Variants in CMTM4 observed in about 807,000 individuals in gnomAD.
The protein encoded by CMTM4 is CKLF-like MARVEL transmembrane domain-containing protein 4.
A neutral mutation model predicts 19.0 loss-of-function variants in CMTM4; 8 were observed. That is an observed-to-expected ratio of 0.42 (90% CI 0.25 to 0.76). The LOEUF is 0.76. Among genes scored for constraint, CMTM4 ranks in the 30% least tolerant of loss-of-function variants. The pLI is 0.27. For missense variants in CMTM4, 228 were observed against 290.2 expected (o/e 0.79, Z 1.56); for synonymous variants, 106 against 121.1 (o/e 0.88, Z 0.82).
At chr16:66,658,100 C>G (rs945147228) in intron 1 of CMTM4, among the ~76,000 whole-genome samples, 1 of 152,004 alleles carries the variant, frequency 6.6e-6, no homozygotes, top group Non-Finnish European at 1.5e-5. Flanking sequence ...CGTTGTGATA[C>G]ATGCCTGTAG....
In CMTM4 at chr16:66,636,405, T is replaced by G. The variant is rs3816412; in HGVS notation, c.363A>C (p.Thr121=). 7.1e-4 allele frequency: 1,138 copies of G among 1,613,656 alleles called. 13 individuals are homozygous for G. The East Asian group carries it at 0.021, about 30-fold the overall frequency. Reference sequence around the variant, plus strand: ...GGCCAGAGTGGCCGCTTGTACTCACTGTCAGATTCCAGTTGATCTGGGGGA... The same window carrying G: ...GGCCAGAGTGGCCGCTTGTACTCACGGTCAGATTCCAGTTGATCTGGGGGA... The part of the protein sequence containing the change: ...MRIPQINWNL[T]DLVNTGLSAF... The change falls in exon 2 of 4, where the codon ACA becomes ACC. Residue 121 remains threonine, a splice_region_variant and synonymous_variant. Coordinates refer to ENST00000394106, the MANE Select transcript of CMTM4 (RefSeq NM_181521.3).
chr16:66,644,433 T>C lies in CMTM4; in HGVS notation c.187-7852A>G, dbSNP rs1233172099. ...GAAGTTCAAATCTACGAAGGATCTA[T>C]TGCAGTGGAGGCCAAAACAAAAACA... On this transcript the variant is annotated intron_variant, in intron 1 of 3. Transcript: ENST00000394106. Among the ~76,000 whole-genome samples, 4 of 152,238 alleles carry C rather than the reference T, an allele frequency of 2.6e-5. No homozygotes were observed. In the East Asian group the frequency reaches 5.8e-4, roughly 22 times the overall value.
chr16:66,641,910 CCA>C (rs1482423463), intron 1 of CMTM4, among the ~76,000 whole-genome samples: 2 of 152,118 alleles, frequency 1.3e-5, no homozygotes, highest in Non-Finnish European at 2.9e-5. Flanking sequence ...ACAGGTATGT[CCA>C]CATATAGATG....
At chr16:66,603,611 T>C in the CMTM4 span, among the ~76,000 whole-genome samples, 1 of 152,186 alleles carries the variant, frequency 6.6e-6, no homozygotes, top group Admixed American at 6.5e-5. Flanking sequence ...AAACAAAACA[T>C]CTTGCCCTTG....
In CMTM4 at chr16:66,617,065, T is replaced by A; in HGVS notation, c.*4993A>T. The A allele has an allele frequency of 2.2e-6, 1 of 459,922 alleles. No homozygotes were observed. Among genetic ancestry groups the A allele is most frequent in the Non-Finnish European group, 3.8e-6 (1 of 260,496 alleles). 28.5% of individuals were successfully genotyped at this position (459,922 alleles called of 1,614,324 possible). A position where few individuals can be genotyped will look rare whatever the true frequency, so the allele number is the denominator to read the frequency against. On this transcript the variant is annotated 3_prime_UTR_variant, in exon 4 of 4. Coordinates refer to ENST00000394106, the MANE Select transcript of CMTM4 (RefSeq NM_181521.3). ...CTGAGATATGTTCTTACTCCTAAACTCAAACTTTAAAAGTTTCAATAGCTC... is the reference window on the plus strand; with the variant it reads ...CTGAGATATGTTCTTACTCCTAAACACAAACTTTAAAAGTTTCAATAGCTC...
chr16:66,688,596 C>T (rs1218122054), intron 1 of CMTM4, among the ~76,000 whole-genome samples: 2 of 152,028 alleles, frequency 1.3e-5, no homozygotes, highest in Non-Finnish European at 2.9e-5. Flanking sequence ...GTTCTCTCTC[C>T]CTGGAACATA....
intron 1 of CMTM4, among the ~76,000 whole-genome samples, chr16:66,665,262 TAAAAAA>T (rs71145929): frequency 8.4e-5 from 5 of 59,708 alleles, no homozygotes; most frequent in East Asian, 3.8e-4. Flanking sequence ...CCCTGTTTCT[TAAAAAA>T]AAAAAAAAAA....
intron 1 of CMTM4, among the ~76,000 whole-genome samples, chr16:66,677,684 T>A (rs1446824076): frequency 2.0e-5 from 3 of 152,134 alleles, no homozygotes; most frequent in African/African-American, 7.2e-5. Flanking sequence ...AAGGGCATGG[T>A]CCTAAGTGTA....
downstream of CMTM4, chr16:66,612,522 G>A (rs1451615775): frequency 7.0e-6 from 10 of 1,421,752 alleles, no homozygotes; most frequent in Non-Finnish European, 9.8e-6. The surrounding 1 kb of genome is among the most constrained non-coding windows in gnomAD (Gnocchi z 6.0). Context: ...GCTCCTGCCA[G>A]CAACCCAGCT....
the CMTM4 span, among the ~76,000 whole-genome samples, chr16:66,605,996 G>A: frequency 1.3e-5 from 2 of 151,866 alleles, no homozygotes; most frequent in African/African-American, 4.8e-5. This position sits in a 1 kb window ranked among gnomAD's most constrained non-coding sequence, Gnocchi z 4.6. Context: ...GAGAAGCCTC[G>A]AATCCACCGT....
the CMTM4 span, chr16:66,609,624 C>A: frequency 1.3e-6 from 2 of 1,510,454 alleles, no homozygotes; most frequent in Non-Finnish European, 9.0e-7. This position sits in a 1 kb window ranked among gnomAD's most constrained non-coding sequence, Gnocchi z 4.4. Flanking sequence ...CCTGCTGGGG[C>A]CCCCCTGGGG....
At chr16:66,633,113 AT>A (rs2015912408) in intron 2 of CMTM4, among the ~76,000 whole-genome samples, 1 of 77,020 alleles carries the variant, frequency 1.3e-5, no homozygotes, top group Non-Finnish European at 3.1e-5. Flanking sequence ...ATATATATAT[AT>A]ATAAATATAT....
chr16:66,672,063 G>C (rs1267098595), intron 1 of CMTM4, among the ~76,000 whole-genome samples: 1 of 151,744 alleles, frequency 6.6e-6, no homozygotes, highest in East Asian at 1.9e-4. Flanking sequence ...AATCTATCAG[G>C]ATATATTTAT....
intron 1 of CMTM4, among the ~76,000 whole-genome samples, chr16:66,683,381 T>C (rs1288249632): frequency 2.3e-5 from 3 of 130,336 alleles, no homozygotes; most frequent in Non-Finnish European, 4.7e-5. Context: ...AAGCTCCGCC[T>C]CCTGGGTTCA....
Position 66,696,706 on chromosome 16 carries a change from C to A in CMTM4, c.-181G>T. 6.0e-6 allele frequency: 1 copy of A among 165,294 alleles called. No individual in the cohort carries two copies. Among genetic ancestry groups the A allele is most frequent in the South Asian group, 1.7e-4 (1 of 5,820 alleles). 10.2% of individuals were successfully genotyped at this position (165,294 alleles called of 1,614,324 possible). On this transcript the variant is annotated 5_prime_UTR_variant, in exon 1 of 4. Coordinates refer to ENST00000394106, the MANE Select transcript of CMTM4 (RefSeq NM_181521.3). The surrounding 1 kb of genome is among the most constrained non-coding windows in gnomAD (Gnocchi z 4.3). Reference sequence around the variant, plus strand: ...CCGGCTGCGGCTGCGGCTCGGTCCGCTCGGGCTCGGCTCCCGCCGCCTCGG... The same window carrying A: ...CCGGCTGCGGCTGCGGCTCGGTCCGATCGGGCTCGGCTCCCGCCGCCTCGG...
chr16:66,631,182 C>CCAGGCCAG (rs2015857025), intron 2 of CMTM4, among the ~76,000 whole-genome samples: 1 of 150,138 alleles, frequency 6.7e-6, no homozygotes, highest in Admixed American at 6.6e-5. Flanking sequence ...TCAGCCCCCG[C>CCAGGCCAG]CCGGCCAGCC....
chr16:66,621,456 C>A lies in CMTM4; in HGVS notation c.*602G>T, dbSNP rs1415691528. On this transcript the variant is annotated 3_prime_UTR_variant, in exon 4 of 4. Transcript: ENST00000394106. ...GAGGAAGAATCAAGTGATTTCTCAG[C>A]AGAGTAGGAAACAAAAGGTCACCCT... 1 of 985,840 alleles carries A rather than the reference C, an allele frequency of 1.0e-6. No homozygotes were observed. Among genetic ancestry groups the A allele is most frequent in the Non-Finnish European group, 1.2e-6 (1 of 830,006 alleles). 61.1% of individuals were successfully genotyped at this position (985,840 alleles called of 1,614,324 possible).
At chr16:66,605,178 C>A in the CMTM4 span, 1 of 422,334 alleles carries the variant, frequency 2.4e-6, no homozygotes, top group Non-Finnish European at 4.2e-6. This position sits in a 1 kb window ranked among gnomAD's most constrained non-coding sequence, Gnocchi z 4.6. Context: ...GGCGCTGTCC[C>A]CGCGAGTCCA....
the CMTM4 span, among the ~76,000 whole-genome samples, chr16:66,601,600 C>T: frequency 1.3e-5 from 2 of 152,234 alleles, no homozygotes; most frequent in Non-Finnish European, 2.9e-5. Flanking sequence ...AGCCTTCAGG[C>T]CCTCCCTGGC....
Sources: allele counts gnomAD v4.1 joint callset (sites outside exome capture counted in the v4.1 genomes callset), GRCh38; gene constraint gnomAD v4.1.1; non-coding constraint Gnocchi (gnomAD v3.1); transcripts MANE v1.5; gene names NCBI Gene and HGNC (gene_info 2026-07-23, HGNC 2026-07-21).